The following ASB9 variants were observed in gnomAD, a reference collection of about 807,000 sequenced individuals.
ASB9 encodes ankyrin repeat and SOCS box protein 9.
A neutral mutation model predicts 16.6 loss-of-function variants in ASB9; 5 were observed. That is an observed-to-expected ratio of 0.30 (90% CI 0.16 to 0.63). The LOEUF is 0.63. Ranked by LOEUF, ASB9 falls within the 30% of genes least tolerant of loss-of-function variation. The pLI is 0.82. For synonymous variants in ASB9, 100 were observed against 86.4 expected (o/e 1.16, Z -0.87); for missense variants, 216 against 229.4 (o/e 0.94, Z 0.38).
At chrX:15,256,574 G>A (rs1174787731) in intron 2 of ASB9, among the ~76,000 whole-genome samples, 2 of 107,089 alleles carry the variant, frequency 1.9e-5, no homozygotes, top group Admixed American at 2.0e-4. Context: ...TCAGGAGATC[G>A]AGACCATCCT....
At position 15,248,093 on chromosome X, in the gene ASB9, A is replaced by G. The variant is rs770577518; in HGVS notation, c.760+651T>C. Among the ~76,000 whole-genome samples the G allele has an allele frequency of 2.7e-5, 3 of 112,161 alleles. No homozygotes were observed. In the East Asian group the frequency reaches 8.4e-4, roughly 31 times the overall value. On this transcript the variant is annotated intron_variant, in intron 6 of 6. Transcript: ENST00000380488. ...TGGTTTCTCAACTGCCTCTGAGCCC[A>G]TGAAGATTGCAAGAGGTGGCTCCCC...
Position 15,268,924 on chromosome X carries a change from A to G in ASB9, c.94+857T>C, listed in dbSNP as rs773755397. On this transcript the variant is annotated intron_variant, in intron 1 of 6. Coordinates refer to ENST00000380488, the MANE Select transcript of ASB9 (RefSeq NM_001031739.3). Reference sequence around the variant, plus strand: ...GGCTTGTCTCCGTCACAAGCCCCCAAGGATCTCAACAGGGTGAACAACAGT... The same window carrying G: ...GGCTTGTCTCCGTCACAAGCCCCCAGGGATCTCAACAGGGTGAACAACAGT... 3.9e-4 allele frequency among the ~76,000 whole-genome samples: 43 copies of G among 111,078 alleles called. No homozygotes were observed. In the Admixed American group the frequency reaches 4.1e-3, roughly 11 times the overall value.
chrX:15,264,634 G>A (rs1372675325), intron 1 of ASB9, among the ~76,000 whole-genome samples: 1 of 111,648 alleles, frequency 9.0e-6, no homozygotes, highest in Non-Finnish European at 1.9e-5. Flanking sequence ...ACTTGGCCTT[G>A]TGCAAAGGGA....
At chrX:15,262,261 A>G (rs900623811) in intron 1 of ASB9, among the ~76,000 whole-genome samples, 1 of 111,417 alleles carries the variant, frequency 9.0e-6, no homozygotes, top group African/African-American at 3.3e-5. Context: ...AAACATTCAT[A>G]TACAAGTTTT....
chrX:15,266,838 A>T (rs1365307803), intron 1 of ASB9, among the ~76,000 whole-genome samples: 1 of 107,618 alleles, frequency 9.3e-6, no homozygotes, highest in Non-Finnish European at 1.9e-5. Context: ...CAGGAGGCTG[A>T]GGCAGGAGAA....
At chrX:15,254,984 TAAA>T in intron 2 of ASB9, 140 bp from the exon 3 acceptor site, 1 of 363,968 alleles carries the variant, frequency 2.7e-6, no homozygotes, top group Non-Finnish European at 4.9e-6. Flanking sequence ...ATATTGACTT[TAAA>T]AAAAAAAAAA....
At chrX:15,267,542 A>AT in intron 1 of ASB9, among the ~76,000 whole-genome samples, 1 of 79,568 alleles carries the variant, frequency 1.3e-5, no homozygotes, top group Non-Finnish European at 2.3e-5. Context: ...CAGGAGATTG[A>AT]GACCATCCTG....
At chrX:15,257,874 G>A (rs969618893) in intron 2 of ASB9, among the ~76,000 whole-genome samples, 1 of 112,068 alleles carries the variant, frequency 8.9e-6, no homozygotes, top group Non-Finnish European at 1.9e-5. Context: ...CAGATTGGAA[G>A]TATTCTTGCA....
chrX:15,269,631 G>T, intron 1 of ASB9, 150 bp downstream of exon 1: 1 of 344,568 alleles, frequency 2.9e-6, no homozygotes, highest in Non-Finnish European at 5.0e-6. Context: ...GAACAGCTGT[G>T]TAAAGAATAT....
intron 2 of ASB9, among the ~76,000 whole-genome samples, chrX:15,258,006 GAGCCAAGCCC>G (rs373641348): frequency 5.4e-5 from 6 of 112,089 alleles, no homozygotes; most frequent in African/African-American, 1.9e-4. Context: ...CCACAGCTGG[GAGCCAAGCCC>G]AGCCAAGCCC....
intron 1 of ASB9, among the ~76,000 whole-genome samples, chrX:15,260,998 T>C (rs1415810549): frequency 1.8e-5 from 2 of 111,858 alleles, no homozygotes; most frequent in East Asian, 2.8e-4. Context: ...CTGGGGTCAC[T>C]AAAGGTGCTT....
intron 6 of ASB9, among the ~76,000 whole-genome samples, chrX:15,246,589 C>T (rs982970962): frequency 4.5e-4 from 50 of 111,488 alleles, no homozygotes; most frequent in Non-Finnish European, 4.7e-4. Flanking sequence ...CATTCTCCTG[C>T]CTCAGCCTCC....
At chrX:15,250,387 C>T (rs1925007542) in intron 5 of ASB9, 43 bp downstream of exon 5, 1 of 1,177,538 alleles carries the variant, frequency 8.5e-7, no homozygotes, top group Non-Finnish European at 1.1e-6. Flanking sequence ...ATTTAATTTA[C>T]TTTTCGTTTT....
At chrX:15,248,590 T>A (rs56223153) in intron 6 of ASB9, 154 bp downstream of exon 6, 300,755 of 943,677 alleles carry the variant, frequency 0.32, 37,223 homozygotes, top group Non-Finnish European at 0.36. Context: ...CTGTATCTCA[T>A]TGAATATTGA....
At chrX:15,266,819 C>G (rs1266693953) in intron 1 of ASB9, among the ~76,000 whole-genome samples, 1 of 109,201 alleles carries the variant, frequency 9.2e-6, no homozygotes, top group African/African-American at 3.4e-5. Flanking sequence ...GCCTGTAGTC[C>G]CAGCTACTCA....
intron 2 of ASB9, among the ~76,000 whole-genome samples, chrX:15,258,389 G>T (rs1925736985): frequency 8.9e-6 from 1 of 112,048 alleles, no homozygotes; most frequent in Non-Finnish European, 1.9e-5. Flanking sequence ...CTTTTAGCTA[G>T]AATTAGTGTT....
chrX:15,245,511 G>A (rs1924588497), intron 6 of ASB9, among the ~76,000 whole-genome samples: 1 of 111,257 alleles, frequency 9.0e-6, no homozygotes, highest in Admixed American at 9.5e-5. Flanking sequence ...AATTGTAATG[G>A]GAATCTTCTT....
chrX:15,253,408 A>G (rs1480243848), intron 3 of ASB9, among the ~76,000 whole-genome samples: 1 of 110,310 alleles, frequency 9.1e-6, no homozygotes, highest in Non-Finnish European at 1.9e-5. Flanking sequence ...CCTGGGCAAC[A>G]TGATAACATG....
At chrX:15,249,889 T>G (rs772467054) in intron 5 of ASB9, among the ~76,000 whole-genome samples, 1 of 111,554 alleles carries the variant, frequency 9.0e-6, no homozygotes, top group South Asian at 3.8e-4. Context: ...TAAATAGGAC[T>G]CAGATAATTA....
Sources: gnomAD v4.1 joint callset for allele counts (sites outside exome capture counted in the v4.1 genomes callset) on GRCh38, gnomAD v4.1.1 for gene constraint, MANE v1.5 for transcripts, NCBI Gene and HGNC (gene_info 2026-07-23, HGNC 2026-07-21) for gene names.